Variants in TANC1 observed in about 807,000 individuals in gnomAD.
TANC1 encodes the protein protein TANC1.
A neutral mutation model predicts 149.7 loss-of-function variants in TANC1; 77 were observed. The ratio of observed to expected loss-of-function variants is 0.51; its 90% CI spans 0.43 to 0.62. The LOEUF is 0.62. Ranked by LOEUF, TANC1 falls within the 20% of genes least tolerant of loss-of-function variation. The pLI is 0.00. For synonymous variants in TANC1, 854 were observed against 925.0 expected (o/e 0.92, Z 1.39); for missense variants, 1,985 against 2,321.8 (o/e 0.85, Z 2.98).
At chr2:159,162,939 G>A (rs1262103375) in intron 7 of TANC1, among the ~76,000 whole-genome samples, 2 of 152,156 alleles carry the variant, frequency 1.3e-5, no homozygotes, top group Non-Finnish European at 2.9e-5. Context: ...AATGAGAAAT[G>A]AATTCTTTTG....
chr2:158,976,581 G>C lies in TANC1; in HGVS notation c.-126+7799G>C, dbSNP rs72953165. 6.0e-3 allele frequency among the ~76,000 whole-genome samples: 910 copies of C among 152,272 alleles called. 10 individuals are homozygous for C. The highest frequency in any genetic ancestry group is 0.02 in the Middle Eastern group (6 of 294). On this transcript the variant is annotated intron_variant, in intron 1 of 26. Coordinates refer to ENST00000263635, the MANE Select transcript of TANC1 (RefSeq NM_033394.3). ...TTAAAACAAATTTGACAAGAAGGTG[G>C]CTCAAAAATTATGTATGGGCTGAGC... is the stretch of plus-strand genomic sequence containing the variant.
At chr2:159,061,451 C>T (rs575438490) in intron 2 of TANC1, among the ~76,000 whole-genome samples, 3 of 152,206 alleles carry the variant, frequency 2.0e-5, no homozygotes, top group African/African-American at 7.2e-5. Flanking sequence ...TGCCCTGTAC[C>T]CAGAGGACAA....
At chr2:159,119,364 G>T (rs1014155174) in intron 4 of TANC1, among the ~76,000 whole-genome samples, 3 of 152,088 alleles carry the variant, frequency 2.0e-5, no homozygotes, top group Non-Finnish European at 4.4e-5. Context: ...TGGGAAGATG[G>T]TTTCATATGA....
chr2:159,124,940 A>G (rs1051358772), intron 4 of TANC1, among the ~76,000 whole-genome samples: 1 of 143,536 alleles, frequency 7.0e-6, no homozygotes, highest in Non-Finnish European at 1.5e-5. Context: ...ATGGAGTTTC[A>G]CCATGTTTCC....
At position 159,046,977 on chromosome 2, in the gene TANC1, A is replaced by G. The variant is rs149638515; in HGVS notation, c.-15-18919A>G. ...CTTAGGTCCTGCTGTATCTGCCCTT[A>G]TGTTCCTGGTTCATCCTTGGTGGTT... On this transcript the variant is annotated intron_variant, in intron 2 of 26. Coordinates refer to ENST00000263635, the MANE Select transcript of TANC1 (RefSeq NM_033394.3). Among the ~76,000 whole-genome samples the G allele has an allele frequency of 3.4e-4, 51 of 151,842 alleles. No homozygotes were observed. In the East Asian group the frequency reaches 8.1e-3, roughly 24 times the overall value.
chr2:159,022,675 T>C (rs1406440941), intron 2 of TANC1, among the ~76,000 whole-genome samples: 1 of 152,060 alleles, frequency 6.6e-6, no homozygotes, highest in Non-Finnish European at 1.5e-5. Flanking sequence ...GAGGTGAAGG[T>C]TGCAGTGAGC....
At chr2:158,972,660 T>C (rs2033070842) in intron 1 of TANC1, among the ~76,000 whole-genome samples, 1 of 152,206 alleles carries the variant, frequency 6.6e-6, no homozygotes, top group South Asian at 2.1e-4. Flanking sequence ...TTTTTAAACT[T>C]ATTCTCAGAG....
chr2:159,047,271 T>C (rs1488453851), intron 2 of TANC1, among the ~76,000 whole-genome samples: 1 of 151,602 alleles, frequency 6.6e-6, no homozygotes, highest in Non-Finnish European at 1.5e-5. Flanking sequence ...ATTTTGGTCA[T>C]TGGCACTACT....
intron 1 of TANC1, among the ~76,000 whole-genome samples, chr2:158,985,926 C>T (rs1380668882): frequency 1.3e-5 from 2 of 152,106 alleles, no homozygotes; most frequent in Non-Finnish European, 2.9e-5. Flanking sequence ...TAAGCATGAG[C>T]GACCGCACCC....
At chr2:159,197,604 AACACACACAC>A (rs35552387) in intron 18 of TANC1, among the ~76,000 whole-genome samples, 1 of 143,828 alleles carries the variant, frequency 7.0e-6, no homozygotes, top group African/African-American at 2.5e-5. Flanking sequence ...TTAAACATTA[AACACACACAC>A]ACACACACAC....
In TANC1 at chr2:159,128,380, C is replaced by T. The variant is rs527684114; in HGVS notation, c.260-7814C>T. 1.1e-4 allele frequency among the ~76,000 whole-genome samples: 17 copies of T among 152,264 alleles called. No homozygotes were observed. In the East Asian group the frequency reaches 1.2e-3, roughly 10 times the overall value. Reference sequence around the variant, plus strand: ...AGGAGTTGTGGGGGGCCTGGTGCTGCGTTTTGTCATTCCCTGGAGGAGAGC... The same window carrying T: ...AGGAGTTGTGGGGGGCCTGGTGCTGTGTTTTGTCATTCCCTGGAGGAGAGC... On this transcript the variant is annotated intron_variant, in intron 4 of 26. Coordinates refer to ENST00000263635, the MANE Select transcript of TANC1 (RefSeq NM_033394.3).
chr2:159,083,596 G>C (rs889201034), intron 3 of TANC1, among the ~76,000 whole-genome samples: 1 of 152,162 alleles, frequency 6.6e-6, no homozygotes, highest in Non-Finnish European at 1.5e-5. Context: ...TTTTCATACT[G>C]ATACTTGCAA....
At chr2:159,099,694 C>T (rs2046482739) in intron 4 of TANC1, among the ~76,000 whole-genome samples, 1 of 143,954 alleles carries the variant, frequency 6.9e-6, no homozygotes. Flanking sequence ...TTAGATTCCT[C>T]ATCCTCCACC....
At chr2:159,087,637 G>T (rs2045067082) in intron 3 of TANC1, among the ~76,000 whole-genome samples, 1 of 151,426 alleles carries the variant, frequency 6.6e-6, no homozygotes, top group South Asian at 2.1e-4. Context: ...CCTCCCACAG[G>T]GTTGGGATTA....
At chr2:159,173,034 C>T (rs1291265721) in intron 11 of TANC1, among the ~76,000 whole-genome samples, 3 of 152,138 alleles carry the variant, frequency 2.0e-5, no homozygotes, top group Admixed American at 6.5e-5. Context: ...GGCGCCATCA[C>T]CCCTGATGGT....
intron 19 of TANC1, among the ~76,000 whole-genome samples, chr2:159,210,371 A>C (rs868615804): frequency 3.3e-5 from 5 of 152,174 alleles, no homozygotes; most frequent in Non-Finnish European, 5.9e-5. Context: ...TCTGCTTTAA[A>C]ATTTTAGGAA....
At chr2:159,211,892 A>G (rs145904537) in intron 19 of TANC1, among the ~76,000 whole-genome samples, 9 of 152,248 alleles carry the variant, frequency 5.9e-5, no homozygotes, top group Non-Finnish European at 7.3e-5. Flanking sequence ...CACCAAATAC[A>G]TAGCAAGGGT....
chr2:159,148,830 T>C, intron 5 of TANC1: 1 of 206,910 alleles, frequency 4.8e-6, no homozygotes, highest in Non-Finnish European at 9.6e-6. Flanking sequence ...AGATAGGCCC[T>C]TTTCTTACCC....
chr2:159,002,192 G>A (rs912285509), intron 2 of TANC1, among the ~76,000 whole-genome samples: 1 of 152,224 alleles, frequency 6.6e-6, no homozygotes, highest in African/African-American at 2.4e-5. Flanking sequence ...GGAGGGGCTG[G>A]CGGTATGGAC....
Sources: allele counts gnomAD v4.1 joint callset (sites outside exome capture counted in the v4.1 genomes callset), GRCh38; gene constraint gnomAD v4.1.1; transcripts MANE v1.5; gene names NCBI Gene and HGNC (gene_info 2026-07-23, HGNC 2026-07-21).